Variants in RAB7B observed in about 807,000 individuals in gnomAD.
RAB7B encodes the protein ras-related protein Rab-7b.
intron 1 of RAB7B, among the ~76,000 whole-genome samples, chr1:205,995,301 C>T (rs1660792087): frequency 6.6e-6 from 1 of 151,924 alleles, no homozygotes; most frequent in Non-Finnish European, 1.5e-5. Flanking sequence ...ACTGTACACA[C>T]AATACCACCC....
At position 205,978,904 on chromosome 1, in the gene RAB7B, G is replaced by A; in HGVS notation, c.547C>T (p.Leu183Phe). 1 of 398,798 alleles carries A rather than the reference G, an allele frequency of 2.5e-6. No homozygotes were observed. Among genetic ancestry groups the A allele is most frequent in the Non-Finnish European group, 4.4e-6 (1 of 226,212 alleles). 24.7% of individuals were successfully genotyped at this position (398,798 alleles called of 1,614,324 possible). Residue 183 changes from leucine (L) to phenylalanine (F), a missense_variant, in exon 6 of 6, where the codon CTC (leucine) becomes TTC (phenylalanine). By Grantham distance (22) the Leu-to-Phe change is conservative (BLOSUM62 0). Coordinates refer to ENST00000617070, the MANE Select transcript of RAB7B (RefSeq NM_001164522.3). Reference sequence around the variant, plus strand: ...GGCGAGAGCTTGATGGATTCTGTGAGGTGATTTTCTAAGATGCTCTGGTAC... The same window carrying A: ...GGCGAGAGCTTGATGGATTCTGTGAAGTGATTTTCTAAGATGCTCTGGTAC... ...SRYQSILENH[L>F]TESIKLSPDQ...
intron 1 of RAB7B, among the ~76,000 whole-genome samples, chr1:205,997,759 G>A (rs1015929470): frequency 6.6e-6 from 1 of 152,176 alleles, no homozygotes; most frequent in Non-Finnish European, 1.5e-5. Flanking sequence ...ACTTTGGAAG[G>A]GTCCTAGGAG....
At position 205,977,058 on chromosome 1, in the gene RAB7B, T is replaced by G. The variant is rs1258527838; in HGVS notation, c.*1793A>C. The G allele has an allele frequency of 6.6e-6, 1 of 152,262 alleles. No individual in the cohort carries two copies. Among genetic ancestry groups the G allele is most frequent in the South Asian group, 2.1e-4 (1 of 4,834 alleles). 9.4% of individuals were successfully genotyped at this position (152,262 alleles called of 1,614,324 possible). A position where few individuals can be genotyped will look rare whatever the true frequency, so the allele number is the denominator to read the frequency against. ...GGGAGAAGTGGCTCCCAAACTCCCC[T>G]GCTGACCTCCCCCCGGCCCCTAGGT... On this transcript the variant is annotated 3_prime_UTR_variant, in exon 6 of 6. Transcript: ENST00000617070.
rs1194626876 is a variant in RAB7B, at chr1:206,003,360, G to C, written c.-124C>G. 6.6e-6 allele frequency: 1 copy of C among 152,320 alleles called. No individual in the cohort carries two copies. Among genetic ancestry groups the C allele is most frequent in the East Asian group, 1.9e-4 (1 of 5,190 alleles). The allele number at this position is 152,320 out of a possible 1,614,324, so 9.4% of individuals were successfully genotyped here. On this transcript the variant is annotated 5_prime_UTR_variant, in exon 1 of 6. Coordinates refer to ENST00000617070, the MANE Select transcript of RAB7B (RefSeq NM_001164522.3). Reference sequence around the variant, plus strand: ...GTGGTCTCAGCAGGGCCAGGGAAGAGGCTCTGGGACAAAGACAGGCAAAAG... The same window carrying C: ...GTGGTCTCAGCAGGGCCAGGGAAGACGCTCTGGGACAAAGACAGGCAAAAG...
intron 1 of RAB7B, among the ~76,000 whole-genome samples, chr1:206,000,118 C>T (rs1452654211): frequency 2.6e-5 from 4 of 151,932 alleles, no homozygotes; most frequent in Non-Finnish European, 4.4e-5. Context: ...GGAAGCTACA[C>T]GTGATGGCTT....
At chr1:205,986,301 A>G (rs1482263105) in intron 4 of RAB7B, among the ~76,000 whole-genome samples, 1 of 152,174 alleles carries the variant, frequency 6.6e-6, no homozygotes, top group African/African-American at 2.4e-5. Flanking sequence ...TCACTTTATC[A>G]TATATGAACT....
At chr1:205,984,903 C>T (rs1268404408) in intron 5 of RAB7B, among the ~76,000 whole-genome samples, 1 of 152,066 alleles carries the variant, frequency 6.6e-6, no homozygotes, top group Admixed American at 6.6e-5. Flanking sequence ...CTCCTCCCAG[C>T]CCCCTCTCCT....
intron 4 of RAB7B, among the ~76,000 whole-genome samples, chr1:205,987,729 C>T (rs919497507): frequency 1.3e-5 from 2 of 152,082 alleles, no homozygotes; most frequent in Non-Finnish European, 2.9e-5. Context: ...CAAAGCTATT[C>T]TTTCTAATAA....
At chr1:205,991,864 G>C (rs935634785) in intron 4 of RAB7B, among the ~76,000 whole-genome samples, 1 of 152,174 alleles carries the variant, frequency 6.6e-6, no homozygotes, top group Non-Finnish European at 1.5e-5. Context: ...TCTCAATGCC[G>C]TGTAATGGTA....
At chr1:205,992,454 T>G (rs1319435584) in intron 4 of RAB7B, 26 bp downstream of exon 4, 2 of 398,560 alleles carry the variant, frequency 5.0e-6, no homozygotes. Context: ...TAATGTTTGT[T>G]GAATGAATAA....
chr1:205,979,694 G>A (rs951962900), intron 5 of RAB7B, among the ~76,000 whole-genome samples: 1 of 152,128 alleles, frequency 6.6e-6, no homozygotes, highest in Non-Finnish European at 1.5e-5. Flanking sequence ...GCTCAATCGC[G>A]TTCATGTTCC....
At chr1:205,997,456 C>T (rs1345272441) in intron 1 of RAB7B, among the ~76,000 whole-genome samples, 1 of 151,832 alleles carries the variant, frequency 6.6e-6, no homozygotes, top group Non-Finnish European at 1.5e-5. Flanking sequence ...GGAAAGTGGG[C>T]GATTTGCTTC....
intron 1 of RAB7B, among the ~76,000 whole-genome samples, chr1:205,996,263 T>C (rs1660812097): frequency 6.6e-6 from 1 of 152,016 alleles, no homozygotes; most frequent in Non-Finnish European, 1.5e-5. Context: ...CATATGCATA[T>C]GCACTATCCC....
At chr1:206,001,583 T>A (rs1660891424) in intron 1 of RAB7B, among the ~76,000 whole-genome samples, 1 of 152,172 alleles carries the variant, frequency 6.6e-6, no homozygotes, top group Admixed American at 6.5e-5. Context: ...GGCTGAGTCA[T>A]CCTCTACTGT....
chr1:205,985,780 A>AG (rs1660588435), intron 4 of RAB7B, 115 bp from the exon 5 acceptor site: 8 of 262,014 alleles, frequency 3.1e-5, no homozygotes, highest in Admixed American at 6.5e-5. Context: ...CATCCCCATC[A>AG]TCCCCACCAG....
At chr1:205,998,014 C>G (rs911390281) in intron 1 of RAB7B, among the ~76,000 whole-genome samples, 8 of 152,138 alleles carry the variant, frequency 5.3e-5, no homozygotes, top group Non-Finnish European at 1.0e-4. Context: ...CACAACTCAC[C>G]CAAGCCTGCA....
chr1:206,001,719 C>T (rs1660895779), intron 1 of RAB7B, among the ~76,000 whole-genome samples: 1 of 152,210 alleles, frequency 6.6e-6, no homozygotes, highest in African/African-American at 2.4e-5. Context: ...CCCTTCTTGT[C>T]TGGCAGCACT....
At chr1:205,983,713 C>T (rs1660538975) in intron 5 of RAB7B, 1 of 152,148 alleles carries the variant, frequency 6.6e-6, no homozygotes, top group Non-Finnish European at 1.5e-5. Context: ...CTGATCAGTG[C>T]ACATGCCCCA....
intron 4 of RAB7B, among the ~76,000 whole-genome samples, chr1:205,989,671 C>T: frequency 6.6e-6 from 1 of 152,252 alleles, no homozygotes; most frequent in Middle Eastern, 3.4e-3. Flanking sequence ...CTCCGCCACC[C>T]CAGCCCTGGC....
Sources: allele counts gnomAD v4.1 joint callset (sites outside exome capture counted in the v4.1 genomes callset), GRCh38; gene constraint gnomAD v4.1.1; transcripts MANE v1.5; gene names NCBI Gene and HGNC (gene_info 2026-07-23, HGNC 2026-07-21).